HDAC9: variants seen among roughly 807,000 people sequenced by gnomAD.
The protein encoded by HDAC9 is MEF-2 interacting transcription repressor (MITR) protein.
HDAC9 carries 41 observed loss-of-function variants against 139.4 expected under a neutral mutation model. The observed-to-expected ratio is 0.29, with a 90% confidence interval of 0.23 to 0.38. The LOEUF is 0.38. Ranked by LOEUF, HDAC9 falls within the 10% of genes least tolerant of loss-of-function variation. The probability of loss-of-function intolerance (pLI) is 1.00; values close to 1 mark genes in which losing one functional copy is unlikely to be tolerated. For missense variants in HDAC9, 1,147 were observed against 1,297.0 expected, an observed-to-expected ratio of 0.88 and a Z score of 1.78; for synonymous variants, 517 against 476.2, an observed-to-expected ratio of 1.09 and a Z score of -1.12.
At chr7:18,511,662 C>T (rs187291572) in intron 2 of HDAC9, among the ~76,000 whole-genome samples, 1 of 152,158 alleles carries the variant, frequency 6.6e-6, no homozygotes, top group African/African-American at 2.4e-5. Context: ...CAGGAGACAA[C>T]ATTGTTCTAT....
intron 6 of HDAC9, among the ~76,000 whole-genome samples, chr7:18,598,455 A>G (rs1439096424): frequency 6.6e-6 from 1 of 152,192 alleles, no homozygotes; most frequent in Non-Finnish European, 1.5e-5. Flanking sequence ...GAATCCACAC[A>G]TACCACTTGG....
chr7:18,368,525 A>G (rs7810091), intron 1 of HDAC9, among the ~76,000 whole-genome samples: 2 of 151,750 alleles, frequency 1.3e-5, no homozygotes. Flanking sequence ...AGAGCAAAAC[A>G]TATTGTTTTG....
chr7:18,658,899 C>CAAAA (rs11306117), intron 11 of HDAC9, among the ~76,000 whole-genome samples: 64 of 118,152 alleles, frequency 5.4e-4, no homozygotes, highest in African/African-American at 1.8e-3. Flanking sequence ...AAAAAAAAAG[C>CAAAA]AAAAAAAAAA....
At chr7:18,587,824 A>T (rs1476420927) in intron 3 of HDAC9, among the ~76,000 whole-genome samples, 1 of 152,204 alleles carries the variant, frequency 6.6e-6, no homozygotes, top group Non-Finnish European at 1.5e-5. Flanking sequence ...AACCTCATTC[A>T]TGCAATCTTT....
chr7:18,604,962 A>G (rs1470227103), intron 6 of HDAC9, among the ~76,000 whole-genome samples: 1 of 151,972 alleles, frequency 6.6e-6, no homozygotes, highest in African/African-American at 2.4e-5. Flanking sequence ...ATGCTTTATA[A>G]TTTTTTGTTA....
chr7:18,418,341 A>G (rs1259812670), intron 1 of HDAC9, among the ~76,000 whole-genome samples: 3 of 150,784 alleles, frequency 2.0e-5, no homozygotes, highest in African/African-American at 2.4e-5. Flanking sequence ...TATTTTTTCT[A>G]TTGAATACAC....
chr7:18,672,868 TTTGCAATTACTAG>T (rs1265186708), intron 12 of HDAC9, among the ~76,000 whole-genome samples: 6 of 152,044 alleles, frequency 3.9e-5, no homozygotes, highest in South Asian at 2.1e-4. Context: ...AATTGCGGTT[TTTGCAATTACTAG>T]TTGCAATTAC....
At chr7:18,280,172 C>A (rs1305490995) in intron 2 of HDAC9, among the ~76,000 whole-genome samples, 1 of 152,110 alleles carries the variant, frequency 6.6e-6, no homozygotes, top group Non-Finnish European at 1.5e-5. Context: ...GGAATTTGGG[C>A]CAGGCACAGT....
chr7:18,852,216 C>T (rs1432301084), intron 21 of HDAC9, among the ~76,000 whole-genome samples: 1 of 152,100 alleles, frequency 6.6e-6, no homozygotes, highest in East Asian at 1.9e-4. Context: ...ATGTAACAGT[C>T]GGGGCTGGGA....
At chr7:18,216,825 G>C (rs892425542) in intron 2 of HDAC9, among the ~76,000 whole-genome samples, 1 of 152,018 alleles carries the variant, frequency 6.6e-6, no homozygotes, top group Non-Finnish European at 1.5e-5. Flanking sequence ...TTTAGTGTCA[G>C]GGTTACTAGG....
intron 4 of HDAC9, 109 bp from the exon 5 acceptor site, chr7:18,591,401 TTCTTAA>T: frequency 7.4e-7 from 1 of 1,354,428 alleles, no homozygotes; most frequent in Admixed American, 3.0e-5. Flanking sequence ...GCGATTTTAC[TTCTTAA>T]TCTTTGTCAA....
chr7:18,214,686 T>C (rs1584675076), intron 2 of HDAC9, among the ~76,000 whole-genome samples: 3 of 152,194 alleles, frequency 2.0e-5, no homozygotes, highest in East Asian at 3.9e-4. Flanking sequence ...AGCTTATATA[T>C]AATGTGTATA....
intron 1 of HDAC9, among the ~76,000 whole-genome samples, chr7:18,328,643 A>T (rs1477749596): frequency 6.6e-6 from 1 of 151,904 alleles, no homozygotes; most frequent in African/African-American, 2.4e-5. Context: ...GTTTGGGATA[A>T]ATCCCACTTG....
intron 8 of HDAC9, 146 bp downstream of exon 8, chr7:18,634,888 T>A (rs1783414298): frequency 3.7e-6 from 2 of 547,682 alleles, no homozygotes; most frequent in African/African-American, 1.9e-5. Flanking sequence ...GTAAACCAAT[T>A]GAAAAAAATT....
intron 22 of HDAC9, among the ~76,000 whole-genome samples, chr7:18,899,644 G>T (rs1230500930): frequency 3.9e-5 from 6 of 151,924 alleles, no homozygotes; most frequent in Non-Finnish European, 7.4e-5. Context: ...TATAAATAAT[G>T]TGAATACAGT....
chr7:18,156,007 A>G (rs116176135), intron 1 of HDAC9, among the ~76,000 whole-genome samples: 1 of 152,128 alleles, frequency 6.6e-6, no homozygotes, highest in African/African-American at 2.4e-5. Flanking sequence ...TCATCATTCT[A>G]TTCCTCAGGA....
chr7:18,522,567 GA>G (rs879624035), intron 2 of HDAC9, among the ~76,000 whole-genome samples: 1,242 of 99,462 alleles, frequency 0.012, 18 homozygotes, highest in African/African-American at 0.042. Context: ...TGTTAATACT[GA>G]AAAAAAAAAA....
intron 23 of HDAC9, among the ~76,000 whole-genome samples, chr7:18,941,097 G>A (rs991646352): frequency 2.0e-5 from 3 of 151,944 alleles, no homozygotes; most frequent in African/African-American, 7.2e-5. Context: ...GGAGCATATA[G>A]CATGTTTTGA....
intron 1 of HDAC9, among the ~76,000 whole-genome samples, chr7:18,090,867 A>G (rs555917394): frequency 6.6e-6 from 1 of 152,328 alleles, no homozygotes; most frequent in East Asian, 1.9e-4. Context: ...AAAAAAAAGA[A>G]AAGGACAGAA....
Sources: gnomAD v4.1 joint callset for allele counts (sites outside exome capture counted in the v4.1 genomes callset) on GRCh38, gnomAD v4.1.1 for gene constraint, MANE v1.5 for transcripts, NCBI Gene and HGNC (gene_info 2026-07-23, HGNC 2026-07-21) for gene names.